Variants in PAIP2B observed in about 807,000 individuals in gnomAD.
The protein encoded by PAIP2B is polyadenylate-binding protein-interacting protein 2B.
Under a neutral mutation model 17.0 loss-of-function variants are expected in PAIP2B, and 13 were observed. The observed-to-expected ratio is 0.76, with a 90% CI of 0.50 to 1.22. The LOEUF (loss-of-function observed/expected upper bound fraction) is 1.22, where lower values mean the gene tolerates loss of function less well. Ranked by LOEUF, PAIP2B falls within the 50% of genes most tolerant of loss-of-function variation. PAIP2B has a pLI of 0.00. For missense variants in PAIP2B, 117 were observed against 144.5 expected (o/e 0.81, Z 0.98); for synonymous variants, 43 against 48.7 (o/e 0.88, Z 0.48).
chr2:71,219,082 ATTTT>A (rs568552077), intron 1 of PAIP2B, among the ~76,000 whole-genome samples: 11,617 of 113,872 alleles, frequency 0.1, 652 homozygotes, highest in South Asian at 0.32. Flanking sequence ...CGCCTAGCTA[ATTTT>A]TTTTTTTTTT....
chr2:71,185,577 G>GAAAAAAAAAAAAAA lies in PAIP2B; in HGVS notation c.*2888_*2901dup, dbSNP rs34802820. 2.1e-5 allele frequency: 2 copies of GAAAAAAAAAAAAAA among 97,168 alleles called. No individual in the cohort carries two copies. Among genetic ancestry groups the GAAAAAAAAAAAAAA allele is most frequent in the Non-Finnish European group, 2.3e-5 (1 of 43,426 alleles). 6.0% of individuals were successfully genotyped at this position (97,168 alleles called of 1,614,324 possible). Reference sequence around the variant, plus strand: ...AGTGAGACTATGTCTCAAAAAAAAAGAAAAAAAAAAAAAAAAGAGGGACCC... The same window carrying GAAAAAAAAAAAAAA: ...AGTGAGACTATGTCTCAAAAAAAAAGAAAAAAAAAAAAAAAAAAAAAAAAAAAAAAGAGGGACCC... On this transcript the variant is annotated 3_prime_UTR_variant, in exon 4 of 4. Transcript: ENST00000244221.
intron 1 of PAIP2B, among the ~76,000 whole-genome samples, chr2:71,222,744 A>G (rs1675620720): frequency 1.3e-5 from 2 of 152,148 alleles, no homozygotes; most frequent in South Asian, 4.1e-4. Context: ...AGCTTGACCA[A>G]AGGAACTCAG....
In PAIP2B at chr2:71,187,785, A is replaced by T. The variant is rs1039301296; in HGVS notation, c.*694T>A. 3.9e-5 allele frequency: 6 copies of T among 152,354 alleles called. No homozygotes were observed. The highest frequency in any genetic ancestry group is 7.3e-5 in the Non-Finnish European group (5 of 68,144). 9.4% of individuals were successfully genotyped at this position (152,354 alleles called of 1,614,324 possible). A position where few individuals can be genotyped will look rare whatever the true frequency, so the allele number is the denominator to read the frequency against. ...TGGTGGTGGTGAACACAGGCTTATG[A>T]ACAGGACAACAGTAACTAAATGACT... On this transcript the variant is annotated 3_prime_UTR_variant, in exon 4 of 4. Transcript: ENST00000244221.
intron 2 of PAIP2B, among the ~76,000 whole-genome samples, chr2:71,192,992 C>T (rs1324392169): frequency 6.6e-6 from 1 of 152,130 alleles, no homozygotes; most frequent in Non-Finnish European, 1.5e-5. Context: ...GTAGTTTTAG[C>T]TCTTTGAGGA....
At chr2:71,214,552 T>C (rs188939543) in intron 1 of PAIP2B, among the ~76,000 whole-genome samples, 3 of 152,346 alleles carry the variant, frequency 2.0e-5, no homozygotes, top group Admixed American at 2.0e-4. Context: ...TGTACAATTC[T>C]AATATCCAAA....
intron 2 of PAIP2B, among the ~76,000 whole-genome samples, chr2:71,193,385 T>A (rs776036286): frequency 6.6e-6 from 1 of 152,262 alleles, no homozygotes; most frequent in African/African-American, 2.4e-5. Context: ...TTCTGTAGGT[T>A]GTCTGTTTAC....
intron 1 of PAIP2B, among the ~76,000 whole-genome samples, chr2:71,217,023 G>T (rs1481164987): frequency 1.3e-5 from 2 of 152,128 alleles, no homozygotes; most frequent in Non-Finnish European, 1.5e-5. Context: ...TTTTAGAAAA[G>T]GATCTTCACA....
chr2:71,184,272 G>A lies in PAIP2B; in HGVS notation c.*4207C>T, dbSNP rs1674475345. ...CTTTTTCTTTTGAAATAAAGATGGTGCATCTGTCCCTTTACAGATTTCTCT... is the reference window on the plus strand; with the variant it reads ...CTTTTTCTTTTGAAATAAAGATGGTACATCTGTCCCTTTACAGATTTCTCT... On this transcript the variant is annotated 3_prime_UTR_variant, in exon 4 of 4. Coordinates refer to ENST00000244221, the MANE Select transcript of PAIP2B (RefSeq NM_020459.1). 1 of 152,192 alleles carries A rather than the reference G, an allele frequency of 6.6e-6. No individual in the cohort carries two copies. The highest frequency in any genetic ancestry group is 2.4e-5 in the African/African-American group (1 of 41,446). 9.4% of individuals were successfully genotyped at this position (152,192 alleles called of 1,614,324 possible).
intron 1 of PAIP2B, among the ~76,000 whole-genome samples, chr2:71,217,898 C>T (rs1023855689): frequency 1.3e-5 from 2 of 152,060 alleles, no homozygotes; most frequent in African/African-American, 4.8e-5. Context: ...GAATTCTTAT[C>T]TCTACAAAAA....
rs1674577813 is a variant in PAIP2B, at chr2:71,187,860, C to A, written c.*619G>T. 6.5e-6 allele frequency: 1 copy of A among 153,118 alleles called. No individual in the cohort carries two copies. Among genetic ancestry groups the A allele is most frequent in the South Asian group, 2.1e-4 (1 of 4,848 alleles). 9.5% of individuals were successfully genotyped at this position (153,118 alleles called of 1,614,324 possible). A position where few individuals can be genotyped will look rare whatever the true frequency, so the allele number is the denominator to read the frequency against. On this transcript the variant is annotated 3_prime_UTR_variant, in exon 4 of 4. Coordinates refer to ENST00000244221, the MANE Select transcript of PAIP2B (RefSeq NM_020459.1). ...CTACCTTCTGATTTACAACTTTCAA[C>A]AATCATCAAAAGTTACTGTAAACTA...
intron 1 of PAIP2B, among the ~76,000 whole-genome samples, chr2:71,204,472 T>C (rs1003624573): frequency 6.6e-6 from 1 of 152,166 alleles, no homozygotes; most frequent in African/African-American, 2.4e-5. Flanking sequence ...AGAAATGTAA[T>C]ATTCTAAAAA....
chr2:71,188,931 TC>T (rs1674611339), intron 3 of PAIP2B, among the ~76,000 whole-genome samples: 1 of 151,998 alleles, frequency 6.6e-6, no homozygotes, highest in Non-Finnish European at 1.5e-5. Context: ...CTTGTGAATA[TC>T]CAAAACCTTA....
chr2:71,221,327 T>A (rs1396008747), intron 1 of PAIP2B, among the ~76,000 whole-genome samples: 3 of 152,228 alleles, frequency 2.0e-5, no homozygotes, highest in Non-Finnish European at 4.4e-5. Context: ...CTAGTCTCGG[T>A]TTGGAATGAT....
At chr2:71,222,962 G>A (rs1675627459) in intron 1 of PAIP2B, among the ~76,000 whole-genome samples, 1 of 152,186 alleles carries the variant, frequency 6.6e-6, no homozygotes, top group Non-Finnish European at 1.5e-5. Flanking sequence ...TGTGAAGTAG[G>A]AGCAGGCACA....
chr2:71,224,097 TCATA>T (rs1263168542), intron 1 of PAIP2B, among the ~76,000 whole-genome samples: 3 of 152,160 alleles, frequency 2.0e-5, no homozygotes, highest in African/African-American at 7.2e-5. Flanking sequence ...GTCTCAGCCC[TCATA>T]CAAAGATGAC....
intron 1 of PAIP2B, among the ~76,000 whole-genome samples, chr2:71,205,676 T>C (rs943869702): frequency 1.3e-5 from 2 of 152,210 alleles, no homozygotes; most frequent in African/African-American, 4.8e-5. Flanking sequence ...TCACGGTCCA[T>C]GCTTGATCAC....
chr2:71,220,884 C>G (rs776731344), intron 1 of PAIP2B, among the ~76,000 whole-genome samples: 45 of 152,162 alleles, frequency 3.0e-4, no homozygotes, highest in Non-Finnish European at 6.5e-4. Flanking sequence ...CCTCTATTAC[C>G]TCACTTGTCA....
At position 71,187,759 on chromosome 2, in the gene PAIP2B, ATGG is replaced by A. The variant is rs1228944183; in HGVS notation, c.*717_*719del. 3.3e-5 allele frequency: 5 copies of A among 152,234 alleles called. No homozygotes were observed. Among genetic ancestry groups the A allele is most frequent in the Non-Finnish European group, 7.3e-5 (5 of 68,054 alleles). 9.4% of individuals were successfully genotyped at this position (152,234 alleles called of 1,614,324 possible). Reference sequence around the variant, plus strand: ...CTTCTACTTATAAATGGTGAGTCTGATGGTGGTGGTGAACACAGGCTTATGAAC... The same window carrying A: ...CTTCTACTTATAAATGGTGAGTCTGATGGTGGTGAACACAGGCTTATGAAC... On this transcript the variant is annotated 3_prime_UTR_variant, in exon 4 of 4. Transcript: ENST00000244221.
intron 2 of PAIP2B, among the ~76,000 whole-genome samples, chr2:71,198,284 A>G (rs113654526): frequency 0.072 from 9,275 of 129,092 alleles, 335 homozygotes; most frequent in African/African-American, 0.093. Flanking sequence ...AGGCCCAGCT[A>G]ATTTTTTTTT....
Sources: allele counts gnomAD v4.1 joint callset (sites outside exome capture counted in the v4.1 genomes callset), GRCh38; gene constraint gnomAD v4.1.1; transcripts MANE v1.5; gene names NCBI Gene and HGNC (gene_info 2026-07-23, HGNC 2026-07-21).